FAM83B: variants seen among roughly 807,000 people sequenced by gnomAD.
FAM83B encodes scaffolding CK1 anchoring protein B, also known as protein FAM83B.
FAM83B carries 26 observed loss-of-function variants against 38.8 expected under a neutral mutation model. The observed-to-expected ratio is 0.67, with a 90% confidence interval of 0.49 to 0.93. The LOEUF is 0.93. FAM83B is among the 40% of genes least tolerant of loss of function. The probability of loss-of-function intolerance (pLI) is 0.00; values close to 1 mark genes in which losing one functional copy is unlikely to be tolerated. For synonymous variants in FAM83B, 419 were observed against 423.1 expected, an observed-to-expected ratio of 0.99 and a Z score of 0.12; for missense variants, 1,237 against 1,197.3, an observed-to-expected ratio of 1.03 and a Z score of -0.49.
chr6:54,897,652 TC>T (rs2127581608), intron 2 of FAM83B, among the ~76,000 whole-genome samples: 1 of 152,330 alleles, frequency 6.6e-6, no homozygotes, highest in Admixed American at 6.5e-5. Context: ...TTAGTCATTT[TC>T]TTTCTTTTTG....
intron 2 of FAM83B, among the ~76,000 whole-genome samples, chr6:54,875,276 A>G (rs992570291): frequency 6.6e-6 from 1 of 152,060 alleles, no homozygotes; most frequent in Non-Finnish European, 1.5e-5. Flanking sequence ...TTGTGTCGTG[A>G]TATGTTACTT....
At chr6:54,886,285 T>G (rs1424889586) in intron 2 of FAM83B, among the ~76,000 whole-genome samples, 1 of 150,246 alleles carries the variant, frequency 6.7e-6, no homozygotes. Context: ...GTATCAAGGT[T>G]ATGCTGCCCA....
intron 4 of FAM83B, among the ~76,000 whole-genome samples, chr6:54,937,613 G>A (rs1773553082): frequency 6.6e-6 from 1 of 151,958 alleles, no homozygotes; most frequent in Non-Finnish European, 1.5e-5. Flanking sequence ...TAACACAGCT[G>A]TATCTTACAT....
At chr6:54,896,536 A>G (rs1581908284) in intron 2 of FAM83B, among the ~76,000 whole-genome samples, 1 of 152,206 alleles carries the variant, frequency 6.6e-6, no homozygotes, top group East Asian at 1.9e-4. Flanking sequence ...CACACTGATA[A>G]GAGAAGGAAG....
intron 4 of FAM83B, among the ~76,000 whole-genome samples, chr6:54,933,606 C>A (rs908370154): frequency 2.6e-5 from 4 of 152,050 alleles, no homozygotes; most frequent in Non-Finnish European, 5.9e-5. Flanking sequence ...TAATCAGTCA[C>A]CTCTCCCAGT....
chr6:54,933,098 G>C (rs1004086601), intron 4 of FAM83B, among the ~76,000 whole-genome samples: 1 of 150,134 alleles, frequency 6.7e-6, no homozygotes, highest in African/African-American at 2.4e-5. Flanking sequence ...GATCTCCTTG[G>C]TAGTTCTATA....
intron 1 of FAM83B, among the ~76,000 whole-genome samples, chr6:54,847,744 A>G (rs1771175984): frequency 6.6e-6 from 1 of 152,160 alleles, no homozygotes; most frequent in African/African-American, 2.4e-5. Flanking sequence ...CTGGGAGGTT[A>G]TGGAAACACA....
rs555812612 is a variant in FAM83B at position 54,884,350 on chromosome 6, C to T, written c.444+13660C>T. Among the ~76,000 whole-genome samples the T allele has an allele frequency of 5.5e-5, 8 of 145,154 alleles. No homozygotes were observed. The South Asian group carries it at 1.3e-3, about 24-fold the overall frequency. On this transcript the variant is annotated intron_variant, in intron 2 of 4. Transcript: ENST00000306858. Reference sequence around the variant, plus strand: ...AATAGAAAATGAGCTGGGTGTGTGGCGCATGCCTATGATCCCAGCTACTTG... The same window carrying T: ...AATAGAAAATGAGCTGGGTGTGTGGTGCATGCCTATGATCCCAGCTACTTG...
intron 1 of FAM83B, among the ~76,000 whole-genome samples, chr6:54,856,286 C>T (rs9475047): frequency 0.084 from 12,809 of 152,192 alleles, 1,340 homozygotes; most frequent in African/African-American, 0.25. Flanking sequence ...AGTCGTCTCC[C>T]TCTCCCCCAC....
chr6:54,929,474 A>G (rs145025691), intron 4 of FAM83B, among the ~76,000 whole-genome samples: 268 of 152,310 alleles, frequency 1.8e-3, no homozygotes, highest in Middle Eastern at 6.8e-3. Flanking sequence ...TGATTTTATC[A>G]GGAAAACATG....
chr6:54,916,702 A>G (rs748017962), intron 2 of FAM83B, among the ~76,000 whole-genome samples: 1 of 152,150 alleles, frequency 6.6e-6, no homozygotes, highest in Non-Finnish European at 1.5e-5. Flanking sequence ...CCTAGCCAAT[A>G]TTATACAAAG....
intron 1 of FAM83B, among the ~76,000 whole-genome samples, chr6:54,847,613 CTG>C (rs1438235027): frequency 7.0e-6 from 1 of 142,994 alleles, no homozygotes; most frequent in Non-Finnish European, 1.5e-5. Flanking sequence ...TTGGCCTATT[CTG>C]TGTGATATGT....
chr6:54,927,472 C>T, intron 3 of FAM83B, 36 bp from the exon 4 acceptor site: 1 of 1,482,090 alleles, frequency 6.7e-7, no homozygotes, highest in South Asian at 1.5e-5. Flanking sequence ...CTTTTCCTAG[C>T]CATAATGTCT....
At chr6:54,895,524 T>C (rs536875956) in intron 2 of FAM83B, among the ~76,000 whole-genome samples, 1 of 152,334 alleles carries the variant, frequency 6.6e-6, no homozygotes, top group South Asian at 2.1e-4. Context: ...TTACAAGCAA[T>C]ATCTATTCAA....
intron 4 of FAM83B, among the ~76,000 whole-genome samples, chr6:54,931,361 T>C (rs1773416078): frequency 6.6e-6 from 1 of 152,150 alleles, no homozygotes; most frequent in South Asian, 2.1e-4. Flanking sequence ...TCTCATTGCA[T>C]TCATTATTGA....
rs1001514399 is a variant in FAM83B at position 54,862,869 on chromosome 6, A to ACCC, written c.-60-7311_-60-7309dup. Among the ~76,000 whole-genome samples, 4 of 140,164 alleles carry ACCC rather than the reference A, an allele frequency of 2.9e-5. No homozygotes were observed. The East Asian group carries it at 5.9e-4, about 21-fold the overall frequency. 92.0% of individuals were successfully genotyped at this position (140,164 alleles called of 152,430 possible). ...ATTGCACTCCAGGCTGGGTGCAAAA[A>ACCC]CCCCCCCCCAAAAAAACCACGAAAA... is the stretch of plus-strand genomic sequence containing the variant. On this transcript the variant is annotated intron_variant, in intron 1 of 4. Coordinates refer to ENST00000306858, the MANE Select transcript of FAM83B (RefSeq NM_001010872.3).
chr6:54,914,461 A>C lies in FAM83B; in HGVS notation c.445-11910A>C, dbSNP rs1481583661. 3.3e-5 allele frequency among the ~76,000 whole-genome samples: 5 copies of C among 152,096 alleles called. No homozygotes were observed. The East Asian group carries it at 7.7e-4, about 24-fold the overall frequency. On this transcript the variant is annotated intron_variant, in intron 2 of 4. Coordinates refer to ENST00000306858, the MANE Select transcript of FAM83B (RefSeq NM_001010872.3). ...TCTTATGCTGATTTCTGGTCTCTTC[A>C]CATTCTTCTTATCCATCCATCAGTC...
chr6:54,918,134 T>A (rs1045172977), intron 2 of FAM83B, among the ~76,000 whole-genome samples: 9 of 152,312 alleles, frequency 5.9e-5, no homozygotes, highest in African/African-American at 2.2e-4. Flanking sequence ...AATGAAGTGA[T>A]TCTATGGTAA....
chr6:54,890,819 C>G (rs1242272737), intron 2 of FAM83B, among the ~76,000 whole-genome samples: 1 of 151,956 alleles, frequency 6.6e-6, no homozygotes, highest in Admixed American at 6.6e-5. Flanking sequence ...TCAACTGAAC[C>G]TTTTTGTTCT....
Sources: gnomAD v4.1 joint callset for allele counts (sites outside exome capture counted in the v4.1 genomes callset) on GRCh38, gnomAD v4.1.1 for gene constraint, MANE v1.5 for transcripts, NCBI Gene and HGNC (gene_info 2026-07-23, HGNC 2026-07-21) for gene names.